The following TENM2 variants were observed in gnomAD, a reference collection of about 807,000 sequenced individuals.
The protein encoded by TENM2 is teneurin transmembrane protein 2.
Under a neutral mutation model 245.2 loss-of-function variants are expected in TENM2, and 52 were observed. The ratio of observed to expected loss-of-function variants is 0.21; its 90% CI spans 0.17 to 0.27. TENM2 has a LOEUF of 0.27. Among genes scored for constraint, TENM2 ranks in the 10% least tolerant of loss-of-function variants. The pLI is 1.00. For missense variants in TENM2, 3,046 were observed against 3,666.8 expected, an observed-to-expected ratio of 0.83 and a Z score of 4.37; for synonymous variants, 1,363 against 1,438.9, an observed-to-expected ratio of 0.95 and a Z score of 1.19.
chr5:167,546,724 G>A (rs138008493), intron 2 of TENM2, among the ~76,000 whole-genome samples: 84 of 152,290 alleles, frequency 5.5e-4, no homozygotes, highest in African/African-American at 1.9e-3. Context: ...GGGATGCTCC[G>A]CAAGGCAGAA....
rs150260222 is a variant in TENM2 at position 167,534,704 on chromosome 5, A to G, written c.502+159231A>G. On this transcript the variant is annotated intron_variant, in intron 2 of 28. Coordinates refer to ENST00000518659, the Ensembl canonical transcript of TENM2. ...ATAATTAATTTGGTGTGCGGGATAG[A>G]GGAGACGAGACCTCGAATGGAGAGG... Among the ~76,000 whole-genome samples the G allele has an allele frequency of 9.0e-4, 137 of 152,246 alleles. 2 individuals carry two copies. Among genetic ancestry groups the G allele is most frequent in the African/African-American group, 3.3e-3 (136 of 41,564 alleles).
chr5:167,162,945 G>T, the TENM2 span, among the ~76,000 whole-genome samples: 1 of 152,036 alleles, frequency 6.6e-6, no homozygotes, highest in Admixed American at 6.5e-5. Flanking sequence ...CAATTGAATG[G>T]GTAGAATGTG....
upstream of TENM2, among the ~76,000 whole-genome samples, chr5:167,282,566 G>C (rs564174071): frequency 4.7e-4 from 72 of 152,266 alleles, no homozygotes; most frequent in African/African-American, 1.7e-3. Context: ...AAACTCTGTG[G>C]AGTAGATGCT....
chr5:167,071,935 G>A, the TENM2 span, among the ~76,000 whole-genome samples: 20 of 122,616 alleles, frequency 1.6e-4, no homozygotes, highest in African/African-American at 5.6e-4. Flanking sequence ...AGCACTCAAC[G>A]CTTTTATTCC....
intron 2 of TENM2, among the ~76,000 whole-genome samples, chr5:167,552,640 G>C (rs1773026767): frequency 6.6e-6 from 1 of 152,178 alleles, no homozygotes; most frequent in Non-Finnish European, 1.5e-5. Flanking sequence ...CACTGGAGGA[G>C]TTTGCTGCTT....
exon 24 of TENM2, chr5:168,226,094 C>A (rs745784330): frequency 1.9e-6 from 3 of 1,612,908 alleles, no homozygotes; most frequent in Admixed American, 1.7e-5. Context: ...CCAGCTATGA[C>A]CACGAAGGCC....
chr5:167,893,079 T>C lies in TENM2; in HGVS notation c.712+16884T>C, dbSNP rs1583297008. On this transcript the variant is annotated intron_variant, in intron 3 of 28. Transcript: ENST00000518659. ...GGGAGAGTATTACCTTTTGGCTAGG[T>C]TTCTTCTTGTCCTGAGGTCTTTTTA... is the stretch of plus-strand genomic sequence containing the variant. Among the ~76,000 whole-genome samples the C allele has an allele frequency of 3.9e-5, 6 of 152,212 alleles. No individual in the cohort carries two copies. In the South Asian group the frequency reaches 1.2e-3, roughly 32 times the overall value.
chr5:167,354,507 C>T (rs1759183319), intron 1 of TENM2, among the ~76,000 whole-genome samples: 1 of 152,116 alleles, frequency 6.6e-6, no homozygotes. Context: ...CCTAAACCCT[C>T]CCCCATCTTC....
At chr5:168,061,977 AC>A in intron 6 of TENM2, 82 bp from the exon 9 acceptor site, 1 of 1,251,054 alleles carries the variant, frequency 8.0e-7, no homozygotes, top group Non-Finnish European at 1.1e-6. Flanking sequence ...ACAAAAAAAA[AC>A]CTGGCATGTA....
chr5:167,970,881 C>T (rs943969954), intron 4 of TENM2, among the ~76,000 whole-genome samples: 1 of 151,818 alleles, frequency 6.6e-6, no homozygotes, highest in African/African-American at 2.4e-5. Flanking sequence ...TTAAACCCAC[C>T]GAGAATTTCA....
upstream of TENM2, among the ~76,000 whole-genome samples, chr5:167,281,672 A>G (rs761279894): frequency 3.3e-5 from 5 of 152,174 alleles, no homozygotes; most frequent in African/African-American, 4.8e-5. Flanking sequence ...CAAAATGTCC[A>G]AACACTAAAG....
At chr5:167,358,919 A>G (rs914939513) in intron 1 of TENM2, among the ~76,000 whole-genome samples, 6 of 151,836 alleles carry the variant, frequency 4.0e-5, no homozygotes, top group Admixed American at 3.3e-4. Context: ...CAATCCAAAA[A>G]TGATGTCACT....
At chr5:167,494,322 T>G (rs1768643376) in intron 2 of TENM2, among the ~76,000 whole-genome samples, 1 of 152,068 alleles carries the variant, frequency 6.6e-6, no homozygotes, top group Non-Finnish European at 1.5e-5. Context: ...AAAACTTACC[T>G]AAAGGGTTGA....
intron 2 of TENM2, among the ~76,000 whole-genome samples, chr5:167,770,414 G>A (rs1763326452): frequency 6.6e-6 from 1 of 152,154 alleles, no homozygotes; most frequent in South Asian, 2.1e-4. Context: ...TTCTGGAGAA[G>A]CGATAAGAAC....
intron 4 of TENM2, among the ~76,000 whole-genome samples, chr5:167,991,302 CATTCATTCACTA>C (rs1783647857): frequency 6.6e-6 from 1 of 152,198 alleles, no homozygotes; most frequent in African/African-American, 2.4e-5. Context: ...TTCATTCACT[CATTCATTCACTA>C]AAATCCCCCT....
chr5:168,086,669 C>T (rs550292409), intron 7 of TENM2, among the ~76,000 whole-genome samples: 1 of 152,304 alleles, frequency 6.6e-6, no homozygotes, highest in South Asian at 2.1e-4. Flanking sequence ...CTTCTGCAGA[C>T]CTAATGGGTA....
At chr5:167,826,051 T>A (rs916459897) in intron 2 of TENM2, among the ~76,000 whole-genome samples, 2 of 151,928 alleles carry the variant, frequency 1.3e-5, no homozygotes, top group Non-Finnish European at 2.9e-5. Context: ...CCCAAGCTGC[T>A]CCAGTTGTAG....
intron 2 of TENM2, among the ~76,000 whole-genome samples, chr5:167,415,700 T>G: frequency 6.6e-6 from 1 of 152,088 alleles, no homozygotes; most frequent in East Asian, 1.9e-4. Context: ...TTGAAAAAAT[T>G]CTATGGTTGA....
At chr5:167,918,504 G>A (rs1777115759) in intron 3 of TENM2, among the ~76,000 whole-genome samples, 1 of 152,222 alleles carries the variant, frequency 6.6e-6, no homozygotes, top group Non-Finnish European at 1.5e-5. Context: ...AGCCACAGCT[G>A]AGCCCGCAGT....
Sources: allele counts gnomAD v4.1 joint callset (sites outside exome capture counted in the v4.1 genomes callset), GRCh38; gene constraint gnomAD v4.1.1; transcripts MANE v1.5; gene names NCBI Gene and HGNC (gene_info 2026-07-23, HGNC 2026-07-21).